The following CSF2RA variants were observed in gnomAD, a reference collection of about 807,000 sequenced individuals.
The protein encoded by CSF2RA is colony stimulating factor 2 receptor subunit alpha, also known as granulocyte-macrophage colony-stimulating factor receptor subunit alpha.
In CSF2RA, 42 loss-of-function variants were observed where a neutral mutation model predicts 51.6. That is an observed-to-expected ratio of 0.81 (90% confidence interval 0.64 to 1.05). The LOEUF is 1.05. Ranked by LOEUF, CSF2RA falls within the 50% of genes least tolerant of loss-of-function variation. The pLI is 0.00. For synonymous variants in CSF2RA, 222 were observed against 193.0 expected (o/e 1.15, Z -1.24); for missense variants, 530 against 501.1 (o/e 1.06, Z -0.55).
chrX:1,307,486 C>A (rs2083716031), intron 12 of CSF2RA, among the ~76,000 whole-genome samples: 1 of 151,222 alleles, frequency 6.6e-6, no homozygotes, highest in South Asian at 2.1e-4. Flanking sequence ...AGACTTTCAA[C>A]TGATTAAATG....
At chrX:1,315,670 G>A in the CSF2RA span, among the ~76,000 whole-genome samples, 1 of 152,122 alleles carries the variant, frequency 6.6e-6, no homozygotes, top group Non-Finnish European at 1.5e-5. Flanking sequence ...CTCCCAAAAT[G>A]CTGGGATTAC....
downstream of CSF2RA, chrX:1,310,074 A>C (rs1372697886): frequency 1.8e-5 from 6 of 331,040 alleles, no homozygotes. Context: ...TTGTGCCTGT[A>C]GTGCCAGCTA....
intron 9 of CSF2RA, among the ~76,000 whole-genome samples, chrX:1,298,784 A>T (rs2092173227): frequency 6.6e-6 from 1 of 151,476 alleles, no homozygotes; most frequent in Non-Finnish European, 1.5e-5. Context: ...TCCCCTACCC[A>T]CGACCTATGT....
intron 9 of CSF2RA, among the ~76,000 whole-genome samples, chrX:1,299,778 C>T (rs1297304904): frequency 2.6e-5 from 4 of 151,916 alleles, no homozygotes; most frequent in African/African-American, 7.3e-5. Flanking sequence ...CGTACCCATG[C>T]GTGGTGGCGG....
At position 1,289,050 on chromosome X, in the gene CSF2RA, C is replaced by T. The variant is rs2091084741; in HGVS notation, c.473+162C>T. On this transcript the variant is annotated intron_variant, in intron 6 of 12. Coordinates refer to ENST00000381529, the MANE Select transcript of CSF2RA (RefSeq NM_172245.4). ...CACCTCGGCTCACTGCAACCTCGAC[C>T]TCCTGGGTTCAAGCAATTTTCCTGC... 3 of 931,726 alleles carry T rather than the reference C, an allele frequency of 3.2e-6. No individual in the cohort carries two copies. The African/African-American group carries it at 4.9e-5, about 15-fold the overall frequency. The allele number at this position is 931,726 out of a possible 1,614,324, so 57.7% of individuals were successfully genotyped here.
chrX:1,270,271 G>A (rs764092145), intron 1 of CSF2RA, among the ~76,000 whole-genome samples: 1 of 151,968 alleles, frequency 6.6e-6, no homozygotes, highest in African/African-American at 2.4e-5. Context: ...AGATCATCTG[G>A]CTGTGTCATC....
intron 7 of CSF2RA, among the ~76,000 whole-genome samples, chrX:1,292,453 GTATT>G (rs1157092983): frequency 1.3e-5 from 2 of 152,130 alleles, no homozygotes. Context: ...AGTTCTCTCA[GTATT>G]TATTGCTTAC....
chrX:1,280,917 C>CT, intron 2 of CSF2RA, among the ~76,000 whole-genome samples: 1 of 139,964 alleles, frequency 7.1e-6, no homozygotes, highest in Non-Finnish European at 1.6e-5. Context: ...CCTTCTCCTC[C>CT]TCCTCCTCCT....
chrX:1,310,115 A>G (rs1239080447), downstream of CSF2RA: 26 of 276,438 alleles, frequency 9.4e-5, no homozygotes, highest in Non-Finnish European at 4.5e-5. Context: ...GGATCACTTG[A>G]GTTCAAGCTG....
chrX:1,317,573 AT>A, the CSF2RA span, among the ~76,000 whole-genome samples: 8 of 131,602 alleles, frequency 6.1e-5, no homozygotes, highest in East Asian at 2.4e-4. Flanking sequence ...ATTTTATTTT[AT>A]TTTTTTTTTT....
At chrX:1,304,941 A>G (rs1352225605) in intron 11 of CSF2RA, among the ~76,000 whole-genome samples, 1 of 150,820 alleles carries the variant, frequency 6.6e-6, no homozygotes, top group East Asian at 2.0e-4. Flanking sequence ...CTGGGATTAC[A>G]GGTGTGAGCC....
chrX:1,283,780 G>T (rs1247414124), intron 3 of CSF2RA, among the ~76,000 whole-genome samples: 1 of 151,924 alleles, frequency 6.6e-6, no homozygotes, highest in Non-Finnish European at 1.5e-5. Context: ...ATGTTGGCCA[G>T]GCTGGTCTCA....
chrX:1,275,854 G>A (rs2089124054), intron 2 of CSF2RA, among the ~76,000 whole-genome samples: 1 of 151,960 alleles, frequency 6.6e-6, no homozygotes, highest in Admixed American at 6.6e-5. Context: ...CACCACGCCC[G>A]GCCAATTTTT....
rs148502249 is a variant in CSF2RA at position 1,290,612 on chromosome X, C to G, written c.646+103C>G. ...ACGTGCGGTGTCTCACACCTGTAAT[C>G]TCAGCACTTTGGGAGGCCGAGGCGG... is the stretch of plus-strand genomic sequence containing the variant. On this transcript the variant is annotated intron_variant, in intron 7 of 12. Transcript: ENST00000381529. 9.2e-4 allele frequency: 1,116 copies of G among 1,212,196 alleles called. 7 individuals are homozygous for G. The African/African-American group carries it at 0.015, about 16-fold the overall frequency. The allele number at this position is 1,212,196 out of a possible 1,614,324, so 75.1% of individuals were successfully genotyped here.
At chrX:1,284,175 G>A (rs1238881016) in intron 3 of CSF2RA, among the ~76,000 whole-genome samples, 5 of 146,628 alleles carry the variant, frequency 3.4e-5, no homozygotes, top group Admixed American at 2.0e-4. Context: ...TCATTCAAGC[G>A]GTTTTCTTTC....
the CSF2RA span, among the ~76,000 whole-genome samples, chrX:1,324,528 G>C: frequency 2.2e-5 from 3 of 136,832 alleles, no homozygotes; most frequent in Non-Finnish European, 4.7e-5. Flanking sequence ...AAGGAAGGGA[G>C]GGAGGGAGGG....
rs766957794 is a variant in CSF2RA at position 1,309,490 on chromosome X, G to T, written c.*11G>T. On this transcript the variant is annotated 3_prime_UTR_variant, in exon 13 of 13. Coordinates refer to ENST00000381529, the MANE Select transcript of CSF2RA (RefSeq NM_172245.4). Reference sequence around the variant, plus strand: ...AAGGAAATTACCTGAGACCCAGAGGGTGTAGGAATGGCATGGACATCTCCG... The same window carrying T: ...AAGGAAATTACCTGAGACCCAGAGGTTGTAGGAATGGCATGGACATCTCCG... The T allele has an allele frequency of 5.0e-6, 8 of 1,614,018 alleles. No homozygotes were observed. Among genetic ancestry groups the T allele is most frequent in the Non-Finnish European group, 5.9e-6 (7 of 1,179,872 alleles).
At chrX:1,288,924 T>A in intron 6 of CSF2RA, 36 bp downstream of exon 6, 1 of 1,612,686 alleles carries the variant, frequency 6.2e-7, no homozygotes, top group Non-Finnish European at 8.5e-7. Context: ...TTATGAGGAA[T>A]GCAGGGATGG....
chrX:1,300,284 T>G (rs1466441889), intron 9 of CSF2RA: 57 of 591,776 alleles, frequency 9.6e-5, no homozygotes, highest in Non-Finnish European at 3.0e-6. Context: ...TTTCCCAACT[T>G]GTCTCCCATC....
Sources: gnomAD v4.1 joint callset for allele counts (sites outside exome capture counted in the v4.1 genomes callset) on GRCh38, gnomAD v4.1.1 for gene constraint, MANE v1.5 for transcripts, NCBI Gene and HGNC (gene_info 2026-07-23, HGNC 2026-07-21) for gene names.